AKAP7: variants seen among roughly 807,000 people sequenced by gnomAD.
AKAP7 encodes A kinase (PRKA) anchor protein 7.
A neutral mutation model predicts 39.5 loss-of-function variants in AKAP7; 39 were observed. The ratio of observed to expected loss-of-function variants is 0.99; its 90% CI spans 0.76 to 1.29. The LOEUF is 1.29. AKAP7 is among the 50% of genes most tolerant of loss of function. The pLI, the probability that AKAP7 is intolerant of heterozygous loss-of-function variation, is 0.00. For missense variants in AKAP7, 414 were observed against 407.7 expected (o/e 1.02, Z -0.13); for synonymous variants, 140 against 139.1 (o/e 1.01, Z -0.05).
At chr6:131,170,260 C>T (rs1803912695) in intron 5 of AKAP7, among the ~76,000 whole-genome samples, 1 of 146,518 alleles carries the variant, frequency 6.8e-6, no homozygotes, top group South Asian at 2.1e-4. Context: ...AACTAACCTG[C>T]ACATTGTGCA....
intron 7 of AKAP7, among the ~76,000 whole-genome samples, chr6:131,247,233 G>A: frequency 7.8e-6 from 1 of 127,974 alleles, no homozygotes; most frequent in Non-Finnish European, 1.6e-5. Flanking sequence ...CTTCATTCAT[G>A]CAGAATATCT....
At chr6:131,215,694 G>A (rs1809110262) in intron 6 of AKAP7, among the ~76,000 whole-genome samples, 1 of 152,178 alleles carries the variant, frequency 6.6e-6, no homozygotes, top group South Asian at 2.1e-4. Flanking sequence ...ACTTTGAATT[G>A]CCAATATGTA....
At chr6:131,227,955 G>A (rs1810318936) in intron 7 of AKAP7, among the ~76,000 whole-genome samples, 1 of 152,176 alleles carries the variant, frequency 6.6e-6, no homozygotes, top group Non-Finnish European at 1.5e-5. Flanking sequence ...AGTCATATGA[G>A]GGCAGTAGTT....
At position 131,151,381 on chromosome 6, in the gene AKAP7, GT is replaced by G. The variant is rs111997888; in HGVS notation, c.151+5979del. ...GAAACTTAAAGAGGGAGAAGGTAAG[GT>G]TTTTTTTTTTTTTAAGAAAATTTTA... On this transcript the variant is annotated intron_variant, in intron 2 of 7. Transcript: ENST00000431975. Among the ~76,000 whole-genome samples the G allele has an allele frequency of 1.1e-3, 154 of 143,738 alleles. 1 individual carries two copies. Among genetic ancestry groups the G allele is most frequent in the East Asian group, 7.5e-3 (36 of 4,826 alleles). The allele number at this position is 143,738 out of a possible 152,430, so 94.3% of individuals were successfully genotyped here.
intron 7 of AKAP7, among the ~76,000 whole-genome samples, chr6:131,242,517 A>G (rs1298276128): frequency 6.7e-6 from 1 of 150,164 alleles, no homozygotes. Flanking sequence ...TATATATATA[A>G]TTACTTATAG....
intron 6 of AKAP7, among the ~76,000 whole-genome samples, chr6:131,209,032 AT>A (rs1290940198): frequency 2.6e-5 from 4 of 152,222 alleles, no homozygotes; most frequent in African/African-American, 7.2e-5. Context: ...GGCAGAAAAT[AT>A]TTTGAACAGT....
intron 5 of AKAP7, among the ~76,000 whole-genome samples, chr6:131,193,718 G>A (rs928503080): frequency 6.6e-6 from 1 of 151,770 alleles, no homozygotes; most frequent in Admixed American, 6.6e-5. Flanking sequence ...TTATTATGAC[G>A]TTTATCTCAT....
At chr6:131,149,587 A>G (rs1801749997) in intron 2 of AKAP7, among the ~76,000 whole-genome samples, 1 of 152,212 alleles carries the variant, frequency 6.6e-6, no homozygotes, top group South Asian at 2.1e-4. Context: ...GTGAGCCGAG[A>G]TTGCGCCACT....
intron 3 of AKAP7, chr6:131,164,398 AG>A: frequency 2.2e-6 from 1 of 455,682 alleles, no homozygotes; most frequent in South Asian, 1.5e-5. Context: ...CCTGTTTCAG[AG>A]GAGCAGGTGC....
chr6:131,199,895 T>C (rs1807367683), intron 6 of AKAP7: 1 of 292,330 alleles, frequency 3.4e-6, no homozygotes, highest in Non-Finnish European at 6.4e-6. Context: ...CTATTCTTGC[T>C]TGTGGTTATT....
intron 7 of AKAP7, among the ~76,000 whole-genome samples, chr6:131,264,860 C>T (rs1283145985): frequency 6.6e-6 from 1 of 152,090 alleles, no homozygotes; most frequent in African/African-American, 2.4e-5. Flanking sequence ...AGAGCAGGAG[C>T]AAGAGAGGGA....
At chr6:131,190,658 G>A (rs1342493147) in intron 5 of AKAP7, among the ~76,000 whole-genome samples, 6 of 147,528 alleles carry the variant, frequency 4.1e-5, no homozygotes, top group African/African-American at 1.0e-4. Context: ...AAAAAAAAAA[G>A]GAAAAAAAGA....
chr6:131,252,209 G>C (rs80003344), intron 7 of AKAP7, among the ~76,000 whole-genome samples: 2,171 of 152,310 alleles, frequency 0.014, 23 homozygotes, highest in Non-Finnish European at 0.024. Flanking sequence ...TGATGGACAG[G>C]AAGTAATATG....
At chr6:131,253,077 C>G (rs113888160) in intron 7 of AKAP7, 1 of 1,613,648 alleles carries the variant, frequency 6.2e-7, no homozygotes, top group South Asian at 1.1e-5. Context: ...TACAGAGATA[C>G]AGCAAGGATA....
chr6:131,182,890 T>C (rs1805409785), intron 5 of AKAP7, among the ~76,000 whole-genome samples: 1 of 152,154 alleles, frequency 6.6e-6, no homozygotes, highest in Non-Finnish European at 1.5e-5. Context: ...TGTTGTAAAC[T>C]TGAATTTATG....
chr6:131,190,618 C>CT (rs1387250223), intron 5 of AKAP7, among the ~76,000 whole-genome samples: 1 of 149,566 alleles, frequency 6.7e-6, no homozygotes, highest in Non-Finnish European at 1.5e-5. Context: ...GCAATACAGC[C>CT]TGGGTGACGG....
At chr6:131,179,868 C>CAAATAAAT (rs146955140) in intron 5 of AKAP7, among the ~76,000 whole-genome samples, 3 of 149,324 alleles carry the variant, frequency 2.0e-5, no homozygotes, top group Admixed American at 2.0e-4. Flanking sequence ...GACCCTGTCT[C>CAAATAAAT]AAATAAATAA....
chr6:131,217,146 C>T (rs1809259847), intron 6 of AKAP7, among the ~76,000 whole-genome samples: 1 of 152,104 alleles, frequency 6.6e-6, no homozygotes, highest in African/African-American at 2.4e-5. Flanking sequence ...ATAATGCCAC[C>T]ACGCAGCCTT....
chr6:131,248,378 A>G (rs971991463), intron 7 of AKAP7, among the ~76,000 whole-genome samples: 9 of 152,290 alleles, frequency 5.9e-5, no homozygotes, highest in Admixed American at 1.3e-4. Context: ...TTTTATCACT[A>G]TACTGATGCT....
Sources: allele counts gnomAD v4.1 joint callset (sites outside exome capture counted in the v4.1 genomes callset), GRCh38; gene constraint gnomAD v4.1.1; transcripts MANE v1.5; gene names NCBI Gene and HGNC (gene_info 2026-07-23, HGNC 2026-07-21).